CHRNG: variants seen among roughly 807,000 people sequenced by gnomAD.
The protein encoded by CHRNG is cholinergic receptor nicotinic gamma subunit.
Under a neutral mutation model 65.2 loss-of-function variants are expected in CHRNG, and 72 were observed. The observed-to-expected ratio is 1.10, with a 90% confidence interval of 0.91 to 1.34. CHRNG has a LOEUF of 1.34. CHRNG is among the 40% of genes most tolerant of loss of function. CHRNG has a pLI of 0.00. For missense variants in CHRNG, 637 were observed against 680.1 expected, an observed-to-expected ratio of 0.94 and a Z score of 0.70; for synonymous variants, 284 against 290.2, an observed-to-expected ratio of 0.98 and a Z score of 0.22.
At chr2:232,542,347 C>G (rs755839616) in intron 5 of CHRNG, 76 bp from the exon 6 acceptor site, 4 of 941,518 alleles carry the variant, frequency 4.2e-6, no homozygotes, top group Non-Finnish European at 6.9e-6. Context: ...CCACACTTGT[C>G]CCCAGAAGGT....
At chr2:232,543,521 C>A (rs1692062091) in intron 8 of CHRNG, 64 bp from the exon 9 acceptor site, 3 of 1,271,852 alleles carry the variant, frequency 2.4e-6, no homozygotes, top group Non-Finnish European at 3.4e-6. Flanking sequence ...GGGGGGGCAG[C>A]CACTAAGCGT....
At position 232,544,355 on chromosome 2, in the gene CHRNG, C is replaced by A. The variant is rs769284436; in HGVS notation, c.1036-12C>A. The A allele has an allele frequency of 1.9e-6, 3 of 1,605,892 alleles. No homozygotes were observed. Among genetic ancestry groups the A allele is most frequent in the South Asian group, 1.1e-5 (1 of 90,966 alleles). On this transcript the variant is annotated splice_polypyrimidine_tract_variant and intron_variant, in intron 9 of 11. Coordinates refer to ENST00000651502, the MANE Select transcript of CHRNG (RefSeq NM_005199.5). ...TCGGCCTGCTGCCCTAGTGAAGCCA[C>A]CCCCTCTCTAGGTGTTCCTGAGGCT...
rs1574644155 is a variant in CHRNG at position 232,541,661 on chromosome 2, G to A, written c.506+132G>A. On this transcript the variant is annotated intron_variant, in intron 5 of 11. Coordinates refer to ENST00000651502, the MANE Select transcript of CHRNG (RefSeq NM_005199.5). This position sits in a 1 kb window ranked among gnomAD's most constrained non-coding sequence, Gnocchi z 4.0. Reference sequence around the variant, plus strand: ...TAGAGGCCTGGCTCCATCTCCCCTGGGCCTCTGTGCCCATCTCAGGCTAAG... The same window carrying A: ...TAGAGGCCTGGCTCCATCTCCCCTGAGCCTCTGTGCCCATCTCAGGCTAAG... 5 of 1,142,968 alleles carry A rather than the reference G, an allele frequency of 4.4e-6. No individual in the cohort carries two copies. In the East Asian group the frequency reaches 1.2e-4, roughly 27 times the overall value. The allele number at this position is 1,142,968 out of a possible 1,614,324, so 70.8% of individuals were successfully genotyped here. A position where few individuals can be genotyped will look rare whatever the true frequency, so the allele number is the denominator to read the frequency against.
At position 232,540,505 on chromosome 2, in the gene CHRNG, C is replaced by T. The variant is rs546707280; in HGVS notation, c.240+80C>T. ...AAGGCCTCCTGAGAGTTGCCTGCCCCGTTCCTGCCTCTTCTGTCCTCTTGG... is the reference window on the plus strand; with the variant it reads ...AAGGCCTCCTGAGAGTTGCCTGCCCTGTTCCTGCCTCTTCTGTCCTCTTGG... On this transcript the variant is annotated intron_variant, in intron 3 of 11. Transcript: ENST00000651502. This position sits in a 1 kb window ranked among gnomAD's most constrained non-coding sequence, Gnocchi z 4.2. 2.5e-5 allele frequency: 40 copies of T among 1,601,340 alleles called. No individual in the cohort carries two copies. The East Asian group carries it at 6.5e-4, about 26-fold the overall frequency.
At chr2:232,545,521 C>G in intron 11 of CHRNG, 22 bp from the exon 12 acceptor site, 1 of 1,611,556 alleles carries the variant, frequency 6.2e-7, no homozygotes, top group Admixed American at 1.7e-5. Context: ...CTGGTTATCC[C>G]ACACCTGCCT....
At chr2:232,545,163 T>C (rs1269324917) in intron 11 of CHRNG, among the ~76,000 whole-genome samples, 2 of 151,782 alleles carry the variant, frequency 1.3e-5, no homozygotes, top group African/African-American at 4.8e-5. Flanking sequence ...AAAAATTAGC[T>C]GGGTGTGGTG....
Position 232,542,929 on chromosome 2 carries a change from G to T in CHRNG, c.652G>T (p.Asp218Tyr), listed in dbSNP as rs1692046937. 5.0e-6 allele frequency: 8 copies of T among 1,614,068 alleles called. No homozygotes were observed. In the Admixed American group the frequency reaches 5.0e-5, roughly 10 times the overall value. ...IQHRPAKMLL[D>Y]PAAPAQEAGH... ...GCACCGACCAGCCAAGATGCTCCTGGACCCAGCGGCGCCAGCCCAGGAAGC... is the reference window on the plus strand; with the variant it reads ...GCACCGACCAGCCAAGATGCTCCTGTACCCAGCGGCGCCAGCCCAGGAAGC... Residue 218 changes from aspartate to tyrosine, a missense_variant, in exon 7 of 12, where the codon GAC (aspartate) becomes TAC (tyrosine). Coordinates refer to ENST00000651502, the MANE Select transcript of CHRNG (RefSeq NM_005199.5).
chr2:232,544,827 C>T lies in CHRNG; in HGVS notation c.1305C>T (p.Ala435=), dbSNP rs368612307. Residue 435 remains alanine (A), a synonymous_variant, in exon 11 of 12, where the codon GCC becomes GCT. Transcript: ENST00000651502. ...SQFCGSLKQA[A]PAIQACVEAC... ...TCTGTGGCAGCCTGAAGCAGGCTGC[C>T]CCAGCCATCCAGGCCTGTGTGGAAG... 77 of 1,613,710 alleles carry T rather than the reference C, an allele frequency of 4.8e-5. No homozygotes were observed. The highest frequency in any genetic ancestry group is 6.2e-5 in the Non-Finnish European group (73 of 1,179,994).
Position 232,540,264 on chromosome 2 carries a change from G to T in CHRNG, c.196-117G>T. ...AGGCTGGGGTCTGGAAAACCCCCAT[G>T]GTTGTGGGGGGAGTACTATCAAGAG... On this transcript the variant is annotated intron_variant, in intron 2 of 11. Transcript: ENST00000651502. This position sits in a 1 kb window ranked among gnomAD's most constrained non-coding sequence, Gnocchi z 4.2. The T allele has an allele frequency of 6.3e-7, 1 of 1,588,126 alleles. No individual in the cohort carries two copies. The highest frequency in any genetic ancestry group is 1.1e-5 in the South Asian group (1 of 90,470).
chr2:232,540,623 C>A lies in CHRNG; in HGVS notation c.262C>A (p.Arg88Ser). ...IEMQWCDYRL[R>S]WDPRDYEGLW... ...GCAGCAGTGGTGCGACTATCGCCTGCGCTGGGATCCGCGAGACTACGAAGG... is the reference window on the plus strand; with the variant it reads ...GCAGCAGTGGTGCGACTATCGCCTGAGCTGGGATCCGCGAGACTACGAAGG... Residue 88 changes from arginine to serine, a missense_variant, in exon 4 of 12, where the codon CGC becomes AGC. Coordinates refer to ENST00000651502, the MANE Select transcript of CHRNG (RefSeq NM_005199.5). This position sits in a 1 kb window ranked among gnomAD's most constrained non-coding sequence, Gnocchi z 4.2. The A allele has an allele frequency of 6.2e-7, 1 of 1,612,510 alleles. No individual in the cohort carries two copies. The highest frequency in any genetic ancestry group is 8.5e-7 in the Non-Finnish European group (1 of 1,179,962).
rs1064797282 is a variant in CHRNG at position 232,545,598 on chromosome 2, C to A, written c.1436C>A (p.Ala479Asp). Residue 479 changes from alanine to aspartate, a missense_variant, in exon 12 of 12, where the codon GCC becomes GAC. Physicochemically the swap from Ala to Asp is moderately radical, Grantham distance 126. Coordinates refer to ENST00000651502, the MANE Select transcript of CHRNG (RefSeq NM_005199.5). Reference protein sequence around the residue: ...GRVLDRVCFLAMLSLFICGTA... With the variant: ...GRVLDRVCFLDMLSLFICGTA... ...GTGCTGGACCGCGTCTGCTTCCTGG[C>A]CATGCTCTCGCTCTTCATCTGTGGC... 1.2e-6 allele frequency: 2 copies of A among 1,614,002 alleles called. No individual in the cohort carries two copies. The highest frequency in any genetic ancestry group is 1.7e-6 in the Non-Finnish European group (2 of 1,180,032).
rs1195798751 is a variant in CHRNG, at chr2:232,540,230, A to C, written c.195+99A>C. 2.5e-6 allele frequency: 4 copies of C among 1,606,668 alleles called. No individual in the cohort carries two copies. Among genetic ancestry groups the C allele is most frequent in the Non-Finnish European group, 3.4e-6 (4 of 1,174,042 alleles). ...AGCCACCAAGAGGTTGGAGGGCCCT[A>C]AATCGGACAGGCTGGGGTCTGGAAA... On this transcript the variant is annotated intron_variant, in intron 2 of 11. Coordinates refer to ENST00000651502, the MANE Select transcript of CHRNG (RefSeq NM_005199.5). The surrounding 1 kb of genome is among the most constrained non-coding windows in gnomAD (Gnocchi z 4.2).
Position 232,543,298 on chromosome 2 carries a change from G to C in CHRNG, c.829G>C (p.Ala277Pro). Residue 277 changes from alanine (A) to proline (P), a missense_variant, in exon 8 of 12, where the codon GCC (alanine) becomes CCC (proline). Physicochemically the swap from Ala to Pro is conservative, Grantham distance 27 (BLOSUM62 -1). Transcript: ENST00000651502. ...AGCTGGGGGCCAGAAGTGTACCGTC[G>C]CCATCAACGTGCTCCTGGCCCAGAC... The part of the protein sequence containing the change: ...AKAGGQKCTV[A>P]INVLLAQTVF... 1 of 1,614,050 alleles carries C rather than the reference G, an allele frequency of 6.2e-7. No individual in the cohort carries two copies.
rs76523029 is a variant in CHRNG at position 232,540,992 on chromosome 2, G to A, written c.350+281G>A. On this transcript the variant is annotated intron_variant, in intron 4 of 11. Coordinates refer to ENST00000651502, the MANE Select transcript of CHRNG (RefSeq NM_005199.5). This position sits in a 1 kb window ranked among gnomAD's most constrained non-coding sequence, Gnocchi z 4.2. Reference sequence around the variant, plus strand: ...TTCCCTGTAACATGGGGCCGCTGACGGGTCCTATAGAAGCTGGCGAGAGTC... The same window carrying A: ...TTCCCTGTAACATGGGGCCGCTGACAGGTCCTATAGAAGCTGGCGAGAGTC... 0.021 allele frequency among the ~76,000 whole-genome samples: 3,260 copies of A among 152,174 alleles called. 82 individuals are homozygous for A. The highest frequency in any genetic ancestry group is 0.1 in the East Asian group (526 of 5,154).
In CHRNG at chr2:232,547,215, G is replaced by A. The variant is rs1304261656; in HGVS notation, c.*1499G>A. Among the ~76,000 whole-genome samples the A allele has an allele frequency of 6.6e-6, 1 of 152,086 alleles. No homozygotes were observed. The highest frequency in any genetic ancestry group is 1.5e-5 in the Non-Finnish European group (1 of 68,010). The stretch of plus-strand genomic sequence containing the variant: ...TGAGCTCAGGAGCCCACGAACCCAG[G>A]AACCCAGCCTGGGCAACATGGGGAC... On this transcript the variant is annotated 3_prime_UTR_variant, in exon 12 of 12. Transcript: ENST00000651502.
Position 232,545,914 on chromosome 2 carries a change from C to A in CHRNG, c.*198C>A. The A allele has an allele frequency of 1.5e-6, 1 of 680,528 alleles. No individual in the cohort carries two copies. 42.2% of individuals were successfully genotyped at this position (680,528 alleles called of 1,614,324 possible). A position where few individuals can be genotyped will look rare whatever the true frequency, so the allele number is the denominator to read the frequency against. ...GAGAGTGGTTGGGGGTGGGCCGTGG[C>A]TAGTGTCCTGCTGCAGTCAGCACAC... On this transcript the variant is annotated 3_prime_UTR_variant, in exon 12 of 12. Transcript: ENST00000651502.
Position 232,540,143 on chromosome 2 carries a change from G to A in CHRNG, c.195+12G>A, listed in dbSNP as rs1172063439. On this transcript the variant is annotated intron_variant, in intron 2 of 11. Transcript: ENST00000651502. This position sits in a 1 kb window ranked among gnomAD's most constrained non-coding sequence, Gnocchi z 4.2. ...ACCTCATCTCCCTGGTAAGCCGCAGGACGGAGGAGGGGTCAGCGCACCACG... is the reference window on the plus strand; with the variant it reads ...ACCTCATCTCCCTGGTAAGCCGCAGAACGGAGGAGGGGTCAGCGCACCACG... 7 of 1,614,198 alleles carry A rather than the reference G, an allele frequency of 4.3e-6. No homozygotes were observed. In the East Asian group the frequency reaches 1.6e-4, roughly 36 times the overall value.
rs556664419 is a variant in CHRNG at position 232,547,264 on chromosome 2, A to G, written c.*1548A>G. Among the ~76,000 whole-genome samples, 13 of 152,170 alleles carry G rather than the reference A, an allele frequency of 8.5e-5. No homozygotes were observed. The highest frequency in any genetic ancestry group is 3.9e-4 in the Admixed American group (6 of 15,288). On this transcript the variant is annotated 3_prime_UTR_variant, in exon 12 of 12. Transcript: ENST00000651502. ...ACACCCGGCCTCTACCAAAAAATACAAAACTTAGCTGGGCGTGGTGATGCA... is the reference window on the plus strand; with the variant it reads ...ACACCCGGCCTCTACCAAAAAATACGAAACTTAGCTGGGCGTGGTGATGCA...
In CHRNG at chr2:232,546,872, A is replaced by T. The variant is rs1432103177; in HGVS notation, c.*1156A>T. On this transcript the variant is annotated 3_prime_UTR_variant, in exon 12 of 12. Transcript: ENST00000651502. ...GGTTAAGACAAGGAAGAGCTAGGCA[A>T]GAGGAGGTGTGGAGTTAACAGAGAG... is the stretch of plus-strand genomic sequence containing the variant. Among the ~76,000 whole-genome samples the T allele has an allele frequency of 2.0e-5, 3 of 152,136 alleles. No individual in the cohort carries two copies. The highest frequency in any genetic ancestry group is 4.4e-5 in the Non-Finnish European group (3 of 68,028).
Sources: allele counts gnomAD v4.1 joint callset (sites outside exome capture counted in the v4.1 genomes callset), GRCh38; gene constraint gnomAD v4.1.1; non-coding constraint Gnocchi (gnomAD v3.1); transcripts MANE v1.5; gene names NCBI Gene and HGNC (gene_info 2026-07-23, HGNC 2026-07-21).